Variants in WDR62 observed in about 807,000 individuals in gnomAD.
WDR62 encodes the protein WD repeat domain 62.
WDR62 carries 112 observed loss-of-function variants against 160.6 expected under a neutral mutation model. That is an observed-to-expected ratio of 0.70 (90% CI 0.60 to 0.82). The LOEUF is 0.82. WDR62 is among the 40% of genes least tolerant of loss of function. WDR62 has a pLI of 0.00. For missense variants in WDR62, 1,819 were observed against 1,983.8 expected, an observed-to-expected ratio of 0.92 and a Z score of 1.58; for synonymous variants, 792 against 815.1, an observed-to-expected ratio of 0.97 and a Z score of 0.48.
intron 2 of WDR62, among the ~76,000 whole-genome samples, chr19:36,059,439 G>C (rs1023729652): frequency 6.6e-6 from 1 of 152,032 alleles, no homozygotes; most frequent in Non-Finnish European, 1.5e-5. Flanking sequence ...CTCTCTTTTT[G>C]TTTTGTTTTG....
Position 36,055,060 on chromosome 19 carries a change from G to A in WDR62, c.89G>A (p.Gly30Asp), listed in dbSNP as rs777824072. The change falls in exon 1 of 32, where the codon GGC becomes GAC. Residue 30 changes from glycine to aspartate, a missense_variant. This residue lies in a region of WDR62 where 115 missense variants were observed against 92.4 expected (regional missense o/e 1.24). Transcript: ENST00000401500. ...SVMAGVPARRGQSSPPPAPPI... is the reference protein window; with the variant it reads ...SVMAGVPARRDQSSPPPAPPI... ...ATGGCGGGAGTTCCGGCGCGGAGGG[G>A]CCAGTCCTCCCCGCCCCCCGCCCCA... 11 of 1,593,970 alleles carry A rather than the reference G, an allele frequency of 6.9e-6. No individual in the cohort carries two copies. Among genetic ancestry groups the A allele is most frequent in the South Asian group, 2.2e-5 (2 of 89,016 alleles).
intron 13 of WDR62, 68 bp from the exon 14 acceptor site, chr19:36,088,970 T>G: frequency 6.4e-7 from 1 of 1,561,128 alleles, no homozygotes; most frequent in Admixed American, 1.7e-5. Flanking sequence ...TGCAGTGGAG[T>G]TCCCCAGCTA....
At chr19:36,080,886 A>G (rs916861300) in intron 9 of WDR62, among the ~76,000 whole-genome samples, 1 of 152,180 alleles carries the variant, frequency 6.6e-6, no homozygotes, top group African/African-American at 2.4e-5. Context: ...AGTTCTTCAA[A>G]CATATTGAAT....
At chr19:36,083,294 T>G in intron 11 of WDR62, 53 bp downstream of exon 11, 1 of 1,544,930 alleles carries the variant, frequency 6.5e-7, no homozygotes, top group Non-Finnish European at 8.8e-7. Context: ...CAGCTCAGGT[T>G]CTCAGGGCAG....
chr19:36,081,119 A>G (rs1599791073), intron 9 of WDR62, among the ~76,000 whole-genome samples: 1 of 152,246 alleles, frequency 6.6e-6, no homozygotes, highest in East Asian at 1.9e-4. Flanking sequence ...AAGTCTTGCT[A>G]GACTCTGTTG....
chr19:36,087,956 A>C (rs764299612), intron 13 of WDR62, among the ~76,000 whole-genome samples: 1 of 152,258 alleles, frequency 6.6e-6, no homozygotes, highest in Non-Finnish European at 1.5e-5. Context: ...ATATTGTTAA[A>C]TACGGTACTT....
At position 36,104,918 on chromosome 19, in the gene WDR62, C is replaced by A; in HGVS notation, c.4462C>A (p.Pro1488Thr). The change falls in exon 32 of 32, where the codon CCG becomes ACG. Residue 1488 changes from proline to threonine, a missense_variant. Physicochemically the swap from Pro to Thr is conservative, Grantham distance 38. Around this residue, in one of 3 missense-constraint regions of WDR62, gnomAD observed 770 missense variants for 734.2 expected, o/e 1.05. Coordinates refer to ENST00000401500, the MANE Select transcript of WDR62 (RefSeq NM_001083961.2). ...PAQALPSPGP[P>T]SPPTLYPLAS... is the part of the protein sequence containing the mutation. ...CCAGGCTCTGCCCAGCCCAGGACCC[C>A]CGTCCCCACCGACGCTGTACCCCCT... 2 of 1,609,840 alleles carry A rather than the reference C, an allele frequency of 1.2e-6. No individual in the cohort carries two copies. Among genetic ancestry groups the A allele is most frequent in the Non-Finnish European group, 1.7e-6 (2 of 1,179,302 alleles).
At chr19:36,102,645 C>T (rs1305068653) in intron 26 of WDR62, 92 bp from the exon 27 acceptor site, 7 of 1,107,124 alleles carry the variant, frequency 6.3e-6, no homozygotes, top group Non-Finnish European at 8.2e-6. Context: ...ATAAGGGTTT[C>T]TGGGGAGTGC....
In WDR62 at chr19:36,102,763, G is replaced by A. The variant is rs375274868; in HGVS notation, c.3247G>A (p.Val1083Met). 43 of 1,614,112 alleles carry A rather than the reference G, an allele frequency of 2.7e-5. No homozygotes were observed. The highest frequency in any genetic ancestry group is 6.7e-5 in the Admixed American group (4 of 60,012). ...RELFPAALGD[V>M]EASEAEDHFF... ...GCTCTTCCCCGCAGCTCTGGGAGAC[G>A]TGGAGGCCTCTGAAGCTGAAGACCA... is the stretch of plus-strand genomic sequence containing the variant. The change falls in exon 27 of 32, where the codon GTG (valine) becomes ATG (methionine). Residue 1083 changes from valine (V) to methionine (M), a missense_variant. This residue lies in a region of WDR62 where 770 missense variants were observed against 734.2 expected (regional missense o/e 1.05). Coordinates refer to ENST00000401500, the MANE Select transcript of WDR62 (RefSeq NM_001083961.2).
intron 19 of WDR62, among the ~76,000 whole-genome samples, chr19:36,093,649 C>T (rs1180614183): frequency 6.6e-6 from 1 of 152,152 alleles, no homozygotes; most frequent in African/African-American, 2.4e-5. Flanking sequence ...AAGCTATGAA[C>T]CAGGGCCCTG....
downstream of WDR62, among the ~76,000 whole-genome samples, chr19:36,106,462 CCTT>C (rs1435588445): frequency 4.6e-5 from 7 of 152,104 alleles, no homozygotes; most frequent in Non-Finnish European, 1.5e-5. Flanking sequence ...TGGCCACTCA[CCTT>C]CTATACAGTC....
intron 12 of WDR62, among the ~76,000 whole-genome samples, chr19:36,085,006 G>A (rs1406860297): frequency 2.0e-5 from 3 of 152,180 alleles, no homozygotes; most frequent in African/African-American, 7.2e-5. Flanking sequence ...ATGAATGAGT[G>A]AATTGTGAAT....
At chr19:36,095,791 C>T (rs541965388) in intron 20 of WDR62, among the ~76,000 whole-genome samples, 4 of 152,350 alleles carry the variant, frequency 2.6e-5, no homozygotes, top group African/African-American at 9.6e-5. Flanking sequence ...AAGACTCCGT[C>T]TCAAAAAATA....
At position 36,102,988 on chromosome 19, in the gene WDR62, G is replaced by C. The variant is rs747229864; in HGVS notation, c.3376G>C (p.Val1126Leu). The change falls in exon 28 of 32, where the codon GTG becomes CTG. Residue 1126 changes from valine (V) to leucine (L), a missense_variant. Physicochemically the swap from Val to Leu is conservative, Grantham distance 32 (BLOSUM62 1). This residue lies in a region of WDR62 where 770 missense variants were observed against 734.2 expected (regional missense o/e 1.05). Coordinates refer to ENST00000401500, the MANE Select transcript of WDR62 (RefSeq NM_001083961.2). ...TFPPRATQCL[V>L]KSPEVKLMDR... Reference sequence around the variant, plus strand: ...CCCTCCCCGGGCAACCCAGTGCCTTGTGAAGTCTCCAGAGGTCAAGCTCAT... The same window carrying C: ...CCCTCCCCGGGCAACCCAGTGCCTTCTGAAGTCTCCAGAGGTCAAGCTCAT... The C allele has an allele frequency of 1.2e-6, 2 of 1,614,156 alleles. No homozygotes were observed. The highest frequency in any genetic ancestry group is 1.7e-6 in the Non-Finnish European group (2 of 1,180,036).
intron 16 of WDR62, among the ~76,000 whole-genome samples, 155 bp from the exon 17 acceptor site, chr19:36,091,045 T>C: frequency 6.6e-6 from 1 of 152,248 alleles, no homozygotes; most frequent in East Asian, 1.9e-4. Flanking sequence ...GCTGCGGTGG[T>C]TGTTAATTTC....
rs1420725555 is a variant in WDR62, at chr19:36,101,197, C to G, written c.2868-17C>G. 1 of 1,604,042 alleles carries G rather than the reference C, an allele frequency of 6.2e-7. No homozygotes were observed. The highest frequency in any genetic ancestry group is 8.5e-7 in the Non-Finnish European group (1 of 1,175,398). The stretch of plus-strand genomic sequence containing the variant: ...GCTGAAGTCCTTGTTCCCTCTCTGC[C>G]CCCACTGGCACTGCAGCCAGTATTG... On this transcript the variant is annotated splice_polypyrimidine_tract_variant and intron_variant, in intron 23 of 31. Transcript: ENST00000401500.
intron 1 of WDR62, among the ~76,000 whole-genome samples, chr19:36,057,717 A>G (rs768387075): frequency 5.3e-5 from 8 of 152,154 alleles, no homozygotes; most frequent in African/African-American, 9.7e-5. Flanking sequence ...GGGTTTCGCC[A>G]TCTTGGCCAG....
chr19:36,089,995 C>T (rs991305809), intron 15 of WDR62, among the ~76,000 whole-genome samples: 1 of 152,240 alleles, frequency 6.6e-6, no homozygotes, highest in Admixed American at 6.5e-5. Flanking sequence ...ACACGGCCAC[C>T]TCACAGCCAC....
intron 7 of WDR62, among the ~76,000 whole-genome samples, chr19:36,069,286 C>T (rs866832840): frequency 2.0e-5 from 3 of 150,642 alleles, no homozygotes; most frequent in Non-Finnish European, 3.0e-5. Context: ...GGGCGGCTGC[C>T]GGGCGGAGGG....
Sources: allele counts gnomAD v4.1 joint callset (sites outside exome capture counted in the v4.1 genomes callset), GRCh38; gene constraint gnomAD v4.1.1; regional missense constraint gnomAD v4.1.1; transcripts MANE v1.5; gene names NCBI Gene and HGNC (gene_info 2026-07-23, HGNC 2026-07-21).